ACACA: variants seen among roughly 807,000 people sequenced by gnomAD.
ACACA encodes acetyl-CoA carboxylase alpha, also known as acetyl-CoA carboxylase 1.
A neutral mutation model predicts 296.1 loss-of-function variants in ACACA; 103 were observed. The observed-to-expected ratio is 0.35, with a 90% CI of 0.30 to 0.41. The LOEUF (loss-of-function observed/expected upper bound fraction) is 0.41, where lower values mean the gene tolerates loss of function less well. Among genes scored for constraint, ACACA ranks in the 10% least tolerant of loss-of-function variants. The pLI is 1.00. For synonymous variants in ACACA, 953 were observed against 1,038.6 expected (o/e 0.92, Z 1.58); for missense variants, 1,554 against 2,989.7 (o/e 0.52, Z 11.20).
intron 3 of ACACA, among the ~76,000 whole-genome samples, chr17:37,306,010 A>T (rs952662125): frequency 8.4e-5 from 12 of 142,172 alleles, no homozygotes; most frequent in African/African-American, 3.1e-4. Context: ...CTGGGTTCAC[A>T]CCATTCTCCT....
intron 43 of ACACA, among the ~76,000 whole-genome samples, chr17:37,153,322 G>C (rs2076115098): frequency 6.6e-6 from 1 of 152,034 alleles, no homozygotes; most frequent in Non-Finnish European, 1.5e-5. Flanking sequence ...TGTGTCTCAG[G>C]GCACCATGAT....
At chr17:37,143,093 A>AACTG (rs1488004746) in intron 45 of ACACA, among the ~76,000 whole-genome samples, 1 of 152,172 alleles carries the variant, frequency 6.6e-6, no homozygotes, top group African/African-American at 2.4e-5. Context: ...CAGTTAATAA[A>AACTG]ACTGTAGCCC....
At chr17:37,244,010 A>G (rs180779323) in intron 21 of ACACA, among the ~76,000 whole-genome samples, 2 of 152,300 alleles carry the variant, frequency 1.3e-5, no homozygotes, top group Admixed American at 1.3e-4. Flanking sequence ...CAACTATCAT[A>G]GAGTACTTTG....
intron 14 of ACACA, among the ~76,000 whole-genome samples, chr17:37,254,127 G>A (rs1421631927): frequency 3.1e-5 from 4 of 127,978 alleles, no homozygotes; most frequent in Admixed American, 8.1e-5. Flanking sequence ...ATGATTGTAA[G>A]GAAGAAAGAA....
chr17:37,120,654 C>T (rs1352234610), intron 50 of ACACA, among the ~76,000 whole-genome samples: 2 of 152,218 alleles, frequency 1.3e-5, no homozygotes, highest in African/African-American at 2.4e-5. Flanking sequence ...TATGCAGTCT[C>T]TGGCTTAGCA....
At chr17:37,289,676 G>A (rs1390937778) in intron 3 of ACACA, 3 of 460,682 alleles carry the variant, frequency 6.5e-6, no homozygotes, top group Admixed American at 2.4e-5. Context: ...TTACAGCTTG[G>A]CTTTCTCAAC....
chr17:37,321,910 C>T (rs575725217), intron 3 of ACACA, among the ~76,000 whole-genome samples: 1 of 150,084 alleles, frequency 6.7e-6, no homozygotes, highest in African/African-American at 2.5e-5. Context: ...TGCCACTGCA[C>T]CCAGCCTGGG....
chr17:37,227,593 G>A (rs2079600883), intron 25 of ACACA, among the ~76,000 whole-genome samples: 1 of 152,054 alleles, frequency 6.6e-6, no homozygotes, highest in Non-Finnish European at 1.5e-5. Flanking sequence ...TTTAGGCCGG[G>A]CGCTGTGGCT....
chr17:37,114,228 C>T (rs957249925), intron 50 of ACACA, among the ~76,000 whole-genome samples: 15 of 151,958 alleles, frequency 9.9e-5, no homozygotes, highest in African/African-American at 3.1e-4. Context: ...AGAGGAACCA[C>T]CTCTTCATTC....
At chr17:37,152,582 A>G (rs911760152) in intron 43 of ACACA, among the ~76,000 whole-genome samples, 10 of 152,182 alleles carry the variant, frequency 6.6e-5, no homozygotes, top group Non-Finnish European at 1.0e-4. Flanking sequence ...ATGCTGACCA[A>G]GTTGTCCAGA....
chr17:37,181,928 A>AAT (rs1491431501), intron 39 of ACACA, among the ~76,000 whole-genome samples: 32 of 149,464 alleles, frequency 2.1e-4, no homozygotes, highest in African/African-American at 7.6e-4. Context: ...AAAAAAAAAA[A>AAT]GGAAATAAAC....
chr17:37,390,228 T>A (rs147292571), intron 1 of ACACA, among the ~76,000 whole-genome samples: 8 of 45,592 alleles, frequency 1.8e-4, no homozygotes, highest in South Asian at 6.8e-4. Context: ...TTATATATAA[T>A]TATATATAAT....
At chr17:37,119,844 T>C (rs2074438710) in intron 50 of ACACA, among the ~76,000 whole-genome samples, 1 of 152,120 alleles carries the variant, frequency 6.6e-6, no homozygotes, top group South Asian at 2.1e-4. Flanking sequence ...TGAGAGTTCA[T>C]TGTTTCACAT....
At chr17:37,188,525 A>C in intron 38 of ACACA, 45 bp from the exon 39 acceptor site, 1 of 1,599,520 alleles carries the variant, frequency 6.3e-7, no homozygotes, top group South Asian at 1.1e-5. Context: ...ATATCTTCTA[A>C]CTAAGACCTG....
intron 24 of ACACA, among the ~76,000 whole-genome samples, chr17:37,236,471 C>T (rs1357683356): frequency 6.6e-6 from 1 of 151,390 alleles, no homozygotes; most frequent in African/African-American, 2.4e-5. Context: ...AGCAATGATA[C>T]TTTCTTGTTT....
At chr17:37,179,751 C>T (rs578143793) in intron 40 of ACACA, among the ~76,000 whole-genome samples, 1 of 152,076 alleles carries the variant, frequency 6.6e-6, no homozygotes, top group African/African-American at 2.4e-5. Flanking sequence ...AAAGGAAAAT[C>T]CTAAAGAAAC....
chr17:37,381,750 C>G (rs1360611322), intron 1 of ACACA, among the ~76,000 whole-genome samples: 2 of 151,110 alleles, frequency 1.3e-5, no homozygotes, highest in Non-Finnish European at 2.9e-5. Context: ...GCCTCAGCCT[C>G]CCGAGTAGCT....
At chr17:37,158,058 T>C (rs1389594949) in intron 42 of ACACA, among the ~76,000 whole-genome samples, 2 of 152,098 alleles carry the variant, frequency 1.3e-5, no homozygotes, top group African/African-American at 4.8e-5. Flanking sequence ...GATGGATGAA[T>C]GGGGTGTGGA....
At chr17:37,215,708 C>G (rs2078950640) in intron 29 of ACACA, among the ~76,000 whole-genome samples, 1 of 152,074 alleles carries the variant, frequency 6.6e-6, no homozygotes, top group African/African-American at 2.4e-5. Flanking sequence ...TTCAGTGTAA[C>G]AAGCTTTCCC....
Sources: gnomAD v4.1 joint callset for allele counts (sites outside exome capture counted in the v4.1 genomes callset) on GRCh38, gnomAD v4.1.1 for gene constraint, MANE v1.5 for transcripts, NCBI Gene and HGNC (gene_info 2026-07-23, HGNC 2026-07-21) for gene names.